Variants in ADGRL1 observed in about 807,000 individuals in gnomAD.
The protein encoded by ADGRL1 is CIRL-1.
ADGRL1 carries 31 observed loss-of-function variants against 148.9 expected under a neutral mutation model. The observed-to-expected ratio is 0.21, with a 90% CI of 0.16 to 0.28. The LOEUF is 0.28. ADGRL1 is among the 10% of genes least tolerant of loss of function. The pLI, the probability that ADGRL1 is intolerant of heterozygous loss-of-function variation, is 1.00. For missense variants in ADGRL1, 1,521 were observed against 2,058.8 expected (o/e 0.74, Z 5.05); for synonymous variants, 937 against 900.3 (o/e 1.04, Z -0.73).
rs1216681667 is a variant in ADGRL1, at chr19:14,161,911, C to A, written c.1196-285G>T. 6.6e-6 allele frequency among the ~76,000 whole-genome samples: 1 copy of A among 152,118 alleles called. No homozygotes were observed. Among genetic ancestry groups the A allele is most frequent in the African/African-American group, 2.4e-5 (1 of 41,406 alleles). Reference sequence around the variant, plus strand: ...AGGGGAGAGGCAGGGACAGAGGTGTCTGGGGGACAGGAATCCTCCCAGGTT... The same window carrying A: ...AGGGGAGAGGCAGGGACAGAGGTGTATGGGGGACAGGAATCCTCCCAGGTT... On this transcript the variant is annotated intron_variant, in intron 5 of 22. Transcript: ENST00000361434. The surrounding 1 kb of genome is among the most constrained non-coding windows in gnomAD (Gnocchi z 4.4).
intron 1 of ADGRL1, among the ~76,000 whole-genome samples, chr19:14,199,170 C>T (rs774435433): frequency 6.6e-6 from 1 of 152,196 alleles, no homozygotes; most frequent in Non-Finnish European, 1.5e-5. Flanking sequence ...CATGTCAGCA[C>T]GACAGGACAC....
Position 14,151,525 on chromosome 19 carries a change from T to C in ADGRL1, c.3758A>G (p.Asp1253Gly). Residue 1253 changes from aspartate (D) to glycine (G), a missense_variant, in exon 23 of 23, where the codon GAT becomes GGT. Around this residue, in one of 8 missense-constraint regions of ADGRL1, gnomAD observed 390 missense variants for 375.0 expected, o/e 1.04. Coordinates refer to ENST00000361434, the MANE Select transcript of ADGRL1 (RefSeq NM_014921.5). The stretch of plus-strand genomic sequence containing the variant: ...AGGGCCCCCATCCCCGGGAGGGAAA[T>C]CCCCACTTCGCAAGGAGTAACTGTT... The part of the protein sequence containing the change: ...FNNSYSLRSG[D>G]FPPGDGGPEP... 6.2e-7 allele frequency: 1 copy of C among 1,611,166 alleles called. No homozygotes were observed. Among genetic ancestry groups the C allele is most frequent in the Non-Finnish European group, 8.5e-7 (1 of 1,179,002 alleles).
chr19:14,152,099 C>A lies in ADGRL1; in HGVS notation c.3667+34G>T. On this transcript the variant is annotated intron_variant, in intron 22 of 22. Coordinates refer to ENST00000361434, the MANE Select transcript of ADGRL1 (RefSeq NM_014921.5). This position sits in a 1 kb window ranked among gnomAD's most constrained non-coding sequence, Gnocchi z 6.1. ...GGCCACTGTCTGTCCCTCTCCCAGC[C>A]TCAGAAACATCCCCAGGGAAGAGTC... The A allele has an allele frequency of 6.2e-7, 1 of 1,601,314 alleles. No homozygotes were observed. The highest frequency in any genetic ancestry group is 8.6e-7 in the Non-Finnish European group (1 of 1,168,320).
chr19:14,187,246 C>G (rs768634015), intron 1 of ADGRL1, among the ~76,000 whole-genome samples: 2 of 152,050 alleles, frequency 1.3e-5, no homozygotes, highest in Non-Finnish European at 2.9e-5. Context: ...GGCTGAGGCA[C>G]GAGAACTGGT....
intron 4 of ADGRL1, 58 bp from the exon 5 acceptor site, chr19:14,163,464 A>AGG (rs1208345989): frequency 3.8e-4 from 301 of 783,950 alleles, no homozygotes; most frequent in Middle Eastern, 1.1e-3. Flanking sequence ...GGCGAGAGGG[A>AGG]GGAGAGAGAG....
chr19:14,160,715 A>AG lies in ADGRL1; in HGVS notation c.1511-20dup. On this transcript the variant is annotated intron_variant, in intron 6 of 22. Coordinates refer to ENST00000361434, the MANE Select transcript of ADGRL1 (RefSeq NM_014921.5). This position sits in a 1 kb window ranked among gnomAD's most constrained non-coding sequence, Gnocchi z 5.9. ...GCAATTCCTGCAGGGACAGACAGAC[A>AG]GGAACAGACAAGGGAGCCAAAGGGA... 3 of 1,469,438 alleles carry AG rather than the reference A, an allele frequency of 2.0e-6. No individual in the cohort carries two copies. Among genetic ancestry groups the AG allele is most frequent in the Non-Finnish European group, 2.9e-6 (3 of 1,050,800 alleles). 91.0% of individuals were successfully genotyped at this position (1,469,438 alleles called of 1,614,324 possible). A position where few individuals can be genotyped will look rare whatever the true frequency, so the allele number is the denominator to read the frequency against.
At chr19:14,167,009 C>A (rs376266664) in intron 4 of ADGRL1, 2 of 1,610,886 alleles carry the variant, frequency 1.2e-6, no homozygotes, top group South Asian at 2.2e-5. Context: ...GGTAACAGTG[C>A]GTTTACCTTT....
At position 14,150,439 on chromosome 19, in the gene ADGRL1, G is replaced by C. The variant is rs1299637995; in HGVS notation, c.*434C>G. 1 of 167,286 alleles carries C rather than the reference G, an allele frequency of 6.0e-6. No individual in the cohort carries two copies. The highest frequency in any genetic ancestry group is 2.4e-5 in the African/African-American group (1 of 41,874). The allele number at this position is 167,286 out of a possible 1,614,324, so 10.4% of individuals were successfully genotyped here. A position where few individuals can be genotyped will look rare whatever the true frequency, so the allele number is the denominator to read the frequency against. Reference sequence around the variant, plus strand: ...AGCCGGCAGCATTTCTGGCTGCGGAGAGGAGCAGCTAACAGGTTCCATCCA... The same window carrying C: ...AGCCGGCAGCATTTCTGGCTGCGGACAGGAGCAGCTAACAGGTTCCATCCA... On this transcript the variant is annotated 3_prime_UTR_variant, in exon 23 of 23. Coordinates refer to ENST00000361434, the MANE Select transcript of ADGRL1 (RefSeq NM_014921.5).
intron 1 of ADGRL1, among the ~76,000 whole-genome samples, chr19:14,200,527 C>T (rs1157942591): frequency 3.3e-5 from 5 of 152,228 alleles, no homozygotes; most frequent in African/African-American, 1.2e-4. Context: ...GAACAGGCCA[C>T]AGAACCCGTC....
At chr19:14,183,210 A>AGAGAGAGAGAGAGATT (rs1971328864) in intron 2 of ADGRL1, among the ~76,000 whole-genome samples, 16 of 150,074 alleles carry the variant, frequency 1.1e-4, no homozygotes, top group Admixed American at 1.1e-3. Flanking sequence ...AGAGAGAGAG[A>AGAGAGAGAGAGAGATT]GAGAGAGCGA....
chr19:14,184,985 G>C (rs1971494632), intron 1 of ADGRL1, among the ~76,000 whole-genome samples: 1 of 152,096 alleles, frequency 6.6e-6, no homozygotes, highest in Non-Finnish European at 1.5e-5. Context: ...GTCTTGCTAT[G>C]TTGCCCAGAC....
In ADGRL1 at chr19:14,159,198, G is replaced by A; in HGVS notation, c.2041C>T (p.Leu681=). The A allele has an allele frequency of 6.2e-7, 1 of 1,614,096 alleles. No homozygotes were observed. Among genetic ancestry groups the A allele is most frequent in the Non-Finnish European group, 8.5e-7 (1 of 1,179,990 alleles). ...KENVVLEVTV[L]NTEGQVQELV... is the part of the protein sequence containing the mutation. The stretch of plus-strand genomic sequence containing the variant: ...TCCTGCACCTGGCCCTCTGTGTTCA[G>A]GACTGTGACCTCCAGGACTGTGGGG... The change falls in exon 11 of 23, where the codon CTG becomes TTG. Residue 681 remains leucine, a synonymous_variant. Coordinates refer to ENST00000361434, the MANE Select transcript of ADGRL1 (RefSeq NM_014921.5). The surrounding 1 kb of genome is among the most constrained non-coding windows in gnomAD (Gnocchi z 6.0).
rs555249877 is a variant in ADGRL1 at position 14,158,096 on chromosome 19, C to T, written c.2365-44G>A. 5.6e-6 allele frequency: 9 copies of T among 1,598,484 alleles called. No homozygotes were observed. The East Asian group carries it at 6.7e-5, about 12-fold the overall frequency. ...AGGGTGTCATAACTAGAGTCAGAAC[C>T]GGGGAGTCCCATTCCGACCCCCCAC... On this transcript the variant is annotated intron_variant, in intron 12 of 22. Coordinates refer to ENST00000361434, the MANE Select transcript of ADGRL1 (RefSeq NM_014921.5).
intron 1 of ADGRL1, among the ~76,000 whole-genome samples, chr19:14,184,642 A>AT (rs1283218279): frequency 5.5e-4 from 59 of 107,878 alleles, no homozygotes; most frequent in East Asian, 2.8e-3. Context: ...TTATTTATTT[A>AT]TTTATTTTTT....
Position 14,152,184 on chromosome 19 carries a change from G to T in ADGRL1, c.3650-34C>A, listed in dbSNP as rs1253648859. The T allele has an allele frequency of 6.2e-7, 1 of 1,614,018 alleles. No individual in the cohort carries two copies. Among genetic ancestry groups the T allele is most frequent in the South Asian group, 1.1e-5 (1 of 91,088 alleles). ...GGCAGCCAGAAGAGAGAAGAGAAAA[G>T]GCAAGGATGAGCTCGAAATGCAAGT... On this transcript the variant is annotated intron_variant, in intron 21 of 22. Transcript: ENST00000361434. This position sits in a 1 kb window ranked among gnomAD's most constrained non-coding sequence, Gnocchi z 6.1.
Position 14,155,117 on chromosome 19 carries a change from C to G in ADGRL1, c.3294+242G>C, listed in dbSNP as rs1214662828. 2.9e-6 allele frequency: 1 copy of G among 347,978 alleles called. No individual in the cohort carries two copies. The highest frequency in any genetic ancestry group is 3.7e-5 in the South Asian group (1 of 27,244). 21.6% of individuals were successfully genotyped at this position (347,978 alleles called of 1,614,324 possible). On this transcript the variant is annotated intron_variant, in intron 18 of 22. Transcript: ENST00000361434. This position sits in a 1 kb window ranked among gnomAD's most constrained non-coding sequence, Gnocchi z 5.0. ...TCCCCATTACCAAATCTGTTCTGCTCTCACTCCTCTAAGTTGCTGTATCTT... is the reference window on the plus strand; with the variant it reads ...TCCCCATTACCAAATCTGTTCTGCTGTCACTCCTCTAAGTTGCTGTATCTT...
rs1047339164 is a variant in ADGRL1, at chr19:14,180,678, T to C, written c.70+2855A>G. Among the ~76,000 whole-genome samples the C allele has an allele frequency of 6.6e-5, 10 of 151,752 alleles. 1 individual carries two copies. The highest frequency in any genetic ancestry group is 1.9e-4 in the African/African-American group (8 of 41,300). ...GATCCTCCTGCCTCAGCCTCCCGAGTAGCTGGGACTACAGGCACATACCAC... is the reference window on the plus strand; with the variant it reads ...GATCCTCCTGCCTCAGCCTCCCGAGCAGCTGGGACTACAGGCACATACCAC... On this transcript the variant is annotated intron_variant, in intron 2 of 22. Transcript: ENST00000361434.
In ADGRL1 at chr19:14,153,897, G is replaced by A. The variant is rs151273841; in HGVS notation, c.3295-985C>T. ...GTGGAGGTTGCAGTGAGCCGAGATC[G>A]CGCCATTGCACTCTAGCCTGGGGAC... On this transcript the variant is annotated intron_variant, in intron 18 of 22. Transcript: ENST00000361434. Among the ~76,000 whole-genome samples, 45 of 151,722 alleles carry A rather than the reference G, an allele frequency of 3.0e-4. 1 individual carries two copies. The highest frequency in any genetic ancestry group is 3.4e-3 in the Middle Eastern group (1 of 294).
intron 1 of ADGRL1, among the ~76,000 whole-genome samples, chr19:14,191,688 GTCTC>G (rs747761028): frequency 1.2e-3 from 180 of 150,206 alleles, no homozygotes; most frequent in Admixed American, 2.6e-3. Flanking sequence ...GATCCCTGCT[GTCTC>G]TCTCTTTTTT....
Sources: gnomAD v4.1 joint callset for allele counts (sites outside exome capture counted in the v4.1 genomes callset) on GRCh38, gnomAD v4.1.1 for gene constraint, gnomAD v4.1.1 regional missense constraint, Gnocchi (gnomAD v3.1) non-coding constraint, MANE v1.5 for transcripts, NCBI Gene and HGNC (gene_info 2026-07-23, HGNC 2026-07-21) for gene names.